The following ABCC4 variants were observed in gnomAD, a reference collection of about 807,000 sequenced individuals.
The protein encoded by ABCC4 is ATP binding cassette subfamily C member 4 (PEL blood group).
Under a neutral mutation model 168.5 loss-of-function variants are expected in ABCC4, and 102 were observed. The observed-to-expected ratio is 0.61, with a 90% CI of 0.52 to 0.71. The LOEUF (loss-of-function observed/expected upper bound fraction) is 0.71, where lower values mean the gene tolerates loss of function less well. ABCC4 is among the 30% of genes least tolerant of loss of function. ABCC4 has a pLI of 0.00. For synonymous variants in ABCC4, 617 were observed against 590.7 expected (o/e 1.04, Z -0.65); for missense variants, 1,402 against 1,605.8 (o/e 0.87, Z 2.17).
intron 19 of ABCC4, among the ~76,000 whole-genome samples, chr13:95,127,698 G>A (rs2035831327): frequency 6.6e-6 from 1 of 152,132 alleles, no homozygotes; most frequent in South Asian, 2.1e-4. Context: ...TCCCCTCAGT[G>A]GTGATCTCAT....
At chr13:95,282,584 G>C (rs1475555378) in intron 1 of ABCC4, among the ~76,000 whole-genome samples, 2 of 151,524 alleles carry the variant, frequency 1.3e-5, no homozygotes, top group Non-Finnish European at 2.9e-5. Flanking sequence ...GCCCAGGCTG[G>C]AGTGCAGTGG....
At chr13:95,196,464 T>C (rs1281914833) in intron 8 of ABCC4, among the ~76,000 whole-genome samples, 1 of 151,750 alleles carries the variant, frequency 6.6e-6, no homozygotes, top group Non-Finnish European at 1.5e-5. Context: ...TAATGGCCAA[T>C]GTGATGGTAT....
chr13:95,117,577 T>A (rs1180072202), intron 19 of ABCC4, among the ~76,000 whole-genome samples: 1 of 152,210 alleles, frequency 6.6e-6, no homozygotes, highest in African/African-American at 2.4e-5. Context: ...CAGATACTTA[T>A]GGATTTTGTT....
intron 17 of ABCC4, 79 bp from the exon 18 acceptor site, chr13:95,163,295 A>G (rs2037159493): frequency 4.1e-6 from 4 of 975,328 alleles, no homozygotes; most frequent in East Asian, 5.1e-5. Context: ...ATGAACCACA[A>G]TTTGGGAGAA....
intron 20 of ABCC4, among the ~76,000 whole-genome samples, chr13:95,100,000 A>T (rs2139370999): frequency 6.6e-6 from 1 of 152,348 alleles, no homozygotes; most frequent in Non-Finnish European, 1.5e-5. Context: ...AAGAAAACTC[A>T]GTAGGTATAC....
intron 1 of ABCC4, among the ~76,000 whole-genome samples, chr13:95,258,671 G>C (rs1020530917): frequency 6.6e-6 from 1 of 152,022 alleles, no homozygotes; most frequent in Non-Finnish European, 1.5e-5. Context: ...TCAAAACTGC[G>C]GGGTGAACGA....
At chr13:95,038,945 A>C (rs778393847) in intron 29 of ABCC4, among the ~76,000 whole-genome samples, 16 of 152,152 alleles carry the variant, frequency 1.1e-4, no homozygotes, top group Non-Finnish European at 2.2e-4. Context: ...TATAGACAAG[A>C]GAGAGAAAAA....
At chr13:95,222,536 G>A (rs913782759) in intron 4 of ABCC4, among the ~76,000 whole-genome samples, 2 of 152,204 alleles carry the variant, frequency 1.3e-5, no homozygotes, top group African/African-American at 2.4e-5. Context: ...GCTGTGGGGT[G>A]GGGGTGCTAC....
chr13:95,192,017 A>C (rs1035642381), intron 9 of ABCC4, among the ~76,000 whole-genome samples: 2 of 152,234 alleles, frequency 1.3e-5, no homozygotes, highest in Admixed American at 6.5e-5. Flanking sequence ...TAAGGCAGGC[A>C]GACTGAGCCC....
chr13:95,231,323 T>C (rs1284289383), intron 4 of ABCC4, among the ~76,000 whole-genome samples: 1 of 152,116 alleles, frequency 6.6e-6, no homozygotes, highest in Non-Finnish European at 1.5e-5. Context: ...AGAAGAAAAA[T>C]TAATGATGAA....
chr13:95,084,980 C>T (rs1333258032), intron 20 of ABCC4, among the ~76,000 whole-genome samples: 2 of 152,244 alleles, frequency 1.3e-5, no homozygotes, highest in Non-Finnish European at 2.9e-5. Flanking sequence ...ATGAGTGCAA[C>T]TCAAGTTAGT....
chr13:95,260,308 T>G (rs984065379), intron 1 of ABCC4, among the ~76,000 whole-genome samples: 3 of 152,162 alleles, frequency 2.0e-5, no homozygotes, highest in Admixed American at 1.3e-4. Flanking sequence ...AACTTCAATA[T>G]GTTACCCAAT....
intron 20 of ABCC4, among the ~76,000 whole-genome samples, chr13:95,110,031 A>T (rs1408241396): frequency 2.0e-5 from 3 of 152,240 alleles, no homozygotes; most frequent in Admixed American, 6.5e-5. Flanking sequence ...CGTATTGGCC[A>T]GGCGTGATGG....
chr13:95,277,375 G>A (rs904334316), intron 1 of ABCC4, among the ~76,000 whole-genome samples: 6 of 152,096 alleles, frequency 3.9e-5, no homozygotes, highest in Non-Finnish European at 5.9e-5. Flanking sequence ...GAGTTCAGGA[G>A]TTCGAGACCA....
At chr13:95,218,265 A>G (rs1286305755) in intron 4 of ABCC4, among the ~76,000 whole-genome samples, 2 of 152,182 alleles carry the variant, frequency 1.3e-5, no homozygotes, top group East Asian at 3.9e-4. Flanking sequence ...TAGTAACAAC[A>G]TATCTACTTT....
intron 1 of ABCC4, among the ~76,000 whole-genome samples, chr13:95,299,856 C>T (rs1308104050): frequency 6.6e-6 from 1 of 152,080 alleles, no homozygotes. Flanking sequence ...CCCGCCACTC[C>T]CCCAAGACGG....
intron 20 of ABCC4, among the ~76,000 whole-genome samples, chr13:95,105,279 TG>T (rs1452817814): frequency 1.3e-5 from 2 of 151,980 alleles, no homozygotes; most frequent in African/African-American, 2.4e-5. Context: ...ACGTGAGTGA[TG>T]GGGAGCAAGC....
intron 4 of ABCC4, among the ~76,000 whole-genome samples, chr13:95,225,143 TCTCTCTCTCTCACACA>T (rs1164814670): frequency 2.6e-3 from 130 of 49,238 alleles, no homozygotes; most frequent in African/African-American, 1.0e-2. Flanking sequence ...TCTGTCTGTC[TCTCTCTCTCTCACACA>T]CACACACACA....
At chr13:95,119,881 A>G (rs2035503364) in intron 19 of ABCC4, among the ~76,000 whole-genome samples, 1 of 152,206 alleles carries the variant, frequency 6.6e-6, no homozygotes, top group African/African-American at 2.4e-5. Context: ...CATTACCAAA[A>G]ATAAGTTTCA....
Sources: gnomAD v4.1 joint callset for allele counts (sites outside exome capture counted in the v4.1 genomes callset) on GRCh38, gnomAD v4.1.1 for gene constraint, MANE v1.5 for transcripts, NCBI Gene and HGNC (gene_info 2026-07-23, HGNC 2026-07-21) for gene names.